PID1: variants seen among roughly 807,000 people sequenced by gnomAD.
The protein encoded by PID1 is phosphotyrosine interaction domain containing 1, also known as PTB-containing, cubilin and LRP1-interacting protein.
PID1 carries 10 observed loss-of-function variants against 19.1 expected under a neutral mutation model. The ratio of observed to expected loss-of-function variants is 0.52; its 90% CI spans 0.32 to 0.89. PID1 has a LOEUF of 0.89. Among genes scored for constraint, PID1 ranks in the 40% least tolerant of loss-of-function variants. The probability of loss-of-function intolerance (pLI) is 0.03; values close to 1 mark genes in which losing one functional copy is unlikely to be tolerated. For missense variants in PID1, 248 were observed against 285.3 expected (o/e 0.87, Z 0.94); for synonymous variants, 130 against 116.0 (o/e 1.12, Z -0.78).
intron 1 of PID1, among the ~76,000 whole-genome samples, chr2:229,226,878 G>T (rs367556478): frequency 6.6e-6 from 1 of 152,120 alleles, no homozygotes; most frequent in Non-Finnish European, 1.5e-5. Flanking sequence ...AAGTCATTTT[G>T]TTCTACTGCC....
chr2:229,210,554 AC>A (rs1353613513), intron 1 of PID1, among the ~76,000 whole-genome samples: 1,128 of 87,854 alleles, frequency 0.013, 180 homozygotes, highest in Middle Eastern at 0.045. Context: ...AAAAAAAAAA[AC>A]AACCTAGAAG....
At chr2:229,087,484 T>C (rs1303477425) in intron 2 of PID1, among the ~76,000 whole-genome samples, 10 of 152,202 alleles carry the variant, frequency 6.6e-5, no homozygotes, top group Non-Finnish European at 1.5e-4. Context: ...TGCAAAGGTT[T>C]AAGGTTGTTT....
intron 1 of PID1, among the ~76,000 whole-genome samples, chr2:229,195,074 T>A (rs1691346743): frequency 6.6e-6 from 1 of 151,992 alleles, no homozygotes; most frequent in Non-Finnish European, 1.5e-5. Flanking sequence ...TGAGGTTGAA[T>A]CATTAAATTA....
Position 229,204,942 on chromosome 2 carries a change from A to C in PID1, c.31-48978T>G, listed in dbSNP as rs528328270. Among the ~76,000 whole-genome samples, 11 of 152,250 alleles carry C rather than the reference A, an allele frequency of 7.2e-5. No individual in the cohort carries two copies. In the East Asian group the frequency reaches 9.6e-4, roughly 13 times the overall value. On this transcript the variant is annotated intron_variant, in intron 1 of 2. Coordinates refer to ENST00000392055, the MANE Select transcript of PID1 (RefSeq NM_001100818.2). ...ATTACAATGAGAACTAGAACTTTAC[A>C]AAAAAATGACTTTGGTATTTACGTT... is the stretch of plus-strand genomic sequence containing the variant.
At chr2:229,074,059 G>A (rs1694509806) in intron 2 of PID1, among the ~76,000 whole-genome samples, 1 of 152,148 alleles carries the variant, frequency 6.6e-6, no homozygotes, top group Non-Finnish European at 1.5e-5. Context: ...AATCATTAAA[G>A]CATAAGTCAA....
chr2:229,042,724 A>C (rs1693795973), intron 2 of PID1, among the ~76,000 whole-genome samples: 1 of 152,184 alleles, frequency 6.6e-6, no homozygotes, highest in African/African-American at 2.4e-5. Flanking sequence ...ATAGAACCCA[A>C]TGCATGATGT....
intron 1 of PID1, among the ~76,000 whole-genome samples, chr2:229,240,676 A>T (rs2106275796): frequency 6.6e-6 from 1 of 152,234 alleles, no homozygotes; most frequent in Admixed American, 6.5e-5. Context: ...TGATTTGCCT[A>T]AAAAACAAAA....
At chr2:229,112,509 A>G (rs1695318010) in intron 2 of PID1, among the ~76,000 whole-genome samples, 2 of 152,128 alleles carry the variant, frequency 1.3e-5, no homozygotes, top group African/African-American at 4.8e-5. Context: ...TTTTTGAGAC[A>G]GAGTCTTGCT....
At chr2:229,176,794 T>G (rs552060783) in intron 1 of PID1, among the ~76,000 whole-genome samples, 1 of 152,274 alleles carries the variant, frequency 6.6e-6, no homozygotes, top group Non-Finnish European at 1.5e-5. Context: ...CAGCAGTAGG[T>G]GAAGAAAGAA....
chr2:229,139,167 G>GAGCA (rs112839456), intron 2 of PID1, among the ~76,000 whole-genome samples: 1,260 of 71,370 alleles, frequency 0.018, 103 homozygotes, highest in South Asian at 0.042. Context: ...GCGAGCAAGC[G>GAGCA]AGCTTCCCTT....
intron 2 of PID1, among the ~76,000 whole-genome samples, chr2:229,044,681 C>T (rs534020321): frequency 7.2e-5 from 11 of 152,288 alleles, no homozygotes; most frequent in East Asian, 5.8e-4. Context: ...ATCACAGCCT[C>T]GCTCTGCCCC....
chr2:229,199,103 C>A (rs752767528), intron 1 of PID1, among the ~76,000 whole-genome samples: 15 of 151,870 alleles, frequency 9.9e-5, no homozygotes, highest in Non-Finnish European at 1.8e-4. Context: ...AAACTGACAC[C>A]CTTGCCAGTG....
chr2:229,126,696 A>G (rs1014332797), intron 2 of PID1, among the ~76,000 whole-genome samples: 1 of 152,186 alleles, frequency 6.6e-6, no homozygotes, highest in African/African-American at 2.4e-5. Flanking sequence ...AGCATCATCA[A>G]TTTTGTAAAT....
chr2:229,072,250 C>T (rs1165908919), intron 2 of PID1, among the ~76,000 whole-genome samples: 1 of 152,154 alleles, frequency 6.6e-6, no homozygotes, highest in African/African-American at 2.4e-5. Context: ...AACTATCTAA[C>T]AAGTTTTGCT....
chr2:229,231,973 T>C lies in PID1; in HGVS notation c.30+39041A>G, dbSNP rs1470377879. The C allele has an allele frequency of 3.9e-6, 6 of 1,550,450 alleles. No homozygotes were observed. In the South Asian group the frequency reaches 4.8e-5, roughly 12 times the overall value. On this transcript the variant is annotated intron_variant, in intron 1 of 2. Transcript: ENST00000392055. Reference sequence around the variant, plus strand: ...ATGATCAAGGTGCGGGCTTGTTTGATTGTCTTGTGAGAGCTGCAGCACTTG... The same window carrying C: ...ATGATCAAGGTGCGGGCTTGTTTGACTGTCTTGTGAGAGCTGCAGCACTTG...
intron 2 of PID1, among the ~76,000 whole-genome samples, chr2:229,121,213 A>G (rs1695511580): frequency 6.6e-6 from 1 of 152,126 alleles, no homozygotes; most frequent in Non-Finnish European, 1.5e-5. Context: ...CTGTCCATAC[A>G]CCTGCACATT....
Position 229,261,746 on chromosome 2 carries a change from C to T in PID1, c.30+9268G>A, listed in dbSNP as rs368814879. 5.9e-5 allele frequency among the ~76,000 whole-genome samples: 9 copies of T among 152,342 alleles called. No individual in the cohort carries two copies. In the East Asian group the frequency reaches 1.2e-3, roughly 20 times the overall value. On this transcript the variant is annotated intron_variant, in intron 1 of 2. Transcript: ENST00000392055. ...GCATTTTAAGACCAGAATGACTCTT[C>T]ACTCTCAGAAAGAGACACTGACAGA...
At chr2:229,246,477 C>T (rs1312325558) in intron 1 of PID1, among the ~76,000 whole-genome samples, 2 of 152,034 alleles carry the variant, frequency 1.3e-5, no homozygotes, top group Non-Finnish European at 2.9e-5. Context: ...GGTTACATAC[C>T]CGTCTAACAA....
Position 229,099,326 on chromosome 2 carries a change from T to C in PID1, c.177+56492A>G, listed in dbSNP as rs979280850. Among the ~76,000 whole-genome samples, 16 of 152,284 alleles carry C rather than the reference T, an allele frequency of 1.1e-4. No individual in the cohort carries two copies. The East Asian group carries it at 3.1e-3, about 29-fold the overall frequency. On this transcript the variant is annotated intron_variant, in intron 2 of 2. Transcript: ENST00000392055. ...TTTTATGCTCTACTTTCCCACATAT[T>C]AGGCAGCAGATGTAATTTTCATCAA...
Sources: allele counts gnomAD v4.1 joint callset (sites outside exome capture counted in the v4.1 genomes callset), GRCh38; gene constraint gnomAD v4.1.1; transcripts MANE v1.5; gene names NCBI Gene and HGNC (gene_info 2026-07-23, HGNC 2026-07-21).